B4GALNT2: variants seen among roughly 807,000 people sequenced by gnomAD.
B4GALNT2 encodes N-acetylneuraminylgalactosylglucosyl-glucoside beta-1,4-N- acetylgalactosaminyltransferase 2.
B4GALNT2 carries 42 observed loss-of-function variants against 51.1 expected under a neutral mutation model. That is an observed-to-expected ratio of 0.82 (90% confidence interval 0.64 to 1.06). The LOEUF (loss-of-function observed/expected upper bound fraction) is 1.06. Ranked by LOEUF, B4GALNT2 falls within the 50% of genes least tolerant of loss-of-function variation. B4GALNT2 has a pLI of 0.00. For synonymous variants in B4GALNT2, 253 were observed against 251.7 expected (o/e 1.01, Z -0.05); for missense variants, 602 against 633.6 (o/e 0.95, Z 0.54).
chr17:49,167,033 GA>G (rs1336028866), intron 9 of B4GALNT2, among the ~76,000 whole-genome samples: 1 of 152,164 alleles, frequency 6.6e-6, no homozygotes, highest in Non-Finnish European at 1.5e-5. Flanking sequence ...GGGCATGGAT[GA>G]GAAGGTAAGT....
intron 3 of B4GALNT2, among the ~76,000 whole-genome samples, chr17:49,147,682 A>AG (rs2042708357): frequency 6.6e-6 from 1 of 151,908 alleles, no homozygotes; most frequent in African/African-American, 2.4e-5. Flanking sequence ...GGCCAGAAAA[A>AG]GTCCATTTTA....
Position 49,159,266 on chromosome 17 carries a change from C to A in B4GALNT2, c.679+49C>A, listed in dbSNP as rs1422863146. On this transcript the variant is annotated intron_variant, in intron 6 of 10. Transcript: ENST00000393354. Reference sequence around the variant, plus strand: ...AAAATGCTTAGGGATCCAGAAGATACCTCTGGGCCCTTTCAAAGTCTTCCT... The same window carrying A: ...AAAATGCTTAGGGATCCAGAAGATAACTCTGGGCCCTTTCAAAGTCTTCCT... 2.6e-6 allele frequency: 4 copies of A among 1,553,110 alleles called. No homozygotes were observed. In the East Asian group the frequency reaches 6.8e-5, roughly 26 times the overall value.
the B4GALNT2 span, among the ~76,000 whole-genome samples, chr17:49,120,697 A>G: frequency 1.3e-5 from 2 of 151,908 alleles, no homozygotes. Context: ...TTTAGTAGAG[A>G]CAGGGTTTCT....
rs1282586649 is a variant in B4GALNT2, at chr17:49,142,039, T to C, written c.220T>C (p.Phe74Leu). Residue 74 changes from phenylalanine to leucine, a missense_variant, in exon 3 of 11, where the codon TTC (phenylalanine) becomes CTC (leucine). Coordinates refer to ENST00000393354, the MANE Select transcript of B4GALNT2 (RefSeq NM_001159387.2). ...NLFSYDGIWLFPKNQCKCEAN... is the reference protein window; with the variant it reads ...NLFSYDGIWLLPKNQCKCEAN... ...CAGTCCTCTTGCTTGTTTCAGGCTG[T>C]TCCCGAAAAATCAGTGCAAATGTGA... 5 of 1,613,974 alleles carry C rather than the reference T, an allele frequency of 3.1e-6. No individual in the cohort carries two copies. The East Asian group carries it at 8.9e-5, about 29-fold the overall frequency.
At chr17:49,159,886 A>G (rs749392889) in intron 6 of B4GALNT2, among the ~76,000 whole-genome samples, 11 of 152,110 alleles carry the variant, frequency 7.2e-5, no homozygotes, top group South Asian at 2.1e-4. Context: ...CCTGTGCCTC[A>G]GCATCTTGTC....
intron 5 of B4GALNT2, among the ~76,000 whole-genome samples, chr17:49,157,633 T>G (rs1441598982): frequency 6.6e-6 from 1 of 152,078 alleles, no homozygotes; most frequent in Non-Finnish European, 1.5e-5. Context: ...TTACTTATTT[T>G]TTATTTTTAG....
intron 3 of B4GALNT2, among the ~76,000 whole-genome samples, chr17:49,143,909 A>T (rs2042668694): frequency 6.6e-6 from 1 of 152,178 alleles, no homozygotes; most frequent in South Asian, 2.1e-4. Context: ...GCACTTTGGG[A>T]GGCCAAGACA....
intron 10 of B4GALNT2, 21 bp from the exon 11 acceptor site, chr17:49,169,502 C>T: frequency 6.2e-7 from 1 of 1,605,658 alleles, no homozygotes; most frequent in Middle Eastern, 2.2e-4. Context: ...CCACTTCCTT[C>T]TGCTCTCCCT....
At chr17:49,124,992 T>G in the B4GALNT2 span, among the ~76,000 whole-genome samples, 2 of 152,190 alleles carry the variant, frequency 1.3e-5, no homozygotes, top group South Asian at 4.1e-4. Context: ...CTAAAAACAA[T>G]TCTTTAACCT....
Position 49,164,177 on chromosome 17 carries a change from T to C in B4GALNT2, c.856T>C (p.Tyr286His). Residue 286 changes from tyrosine to histidine, a missense_variant, in exon 8 of 11, where the codon TAT (tyrosine) becomes CAT (histidine). Transcript: ENST00000393354. ...GATCATGCTCCGGAGTATTCGAGAGTATTACCCAGACTTGACCGTAATAGT... is the reference window on the plus strand; with the variant it reads ...GATCATGCTCCGGAGTATTCGAGAGCATTACCCAGACTTGACCGTAATAGT... ...LMIMLRSIREYYPDLTVIVAD... is the reference protein window; with the variant it reads ...LMIMLRSIREHYPDLTVIVAD... 1.2e-6 allele frequency: 2 copies of C among 1,613,830 alleles called. No homozygotes were observed. Among genetic ancestry groups the C allele is most frequent in the Non-Finnish European group, 1.7e-6 (2 of 1,179,774 alleles).
In B4GALNT2 at chr17:49,144,910, A is replaced by G. The variant is rs145669357; in HGVS notation, c.353+2738A>G. 2.8e-3 allele frequency among the ~76,000 whole-genome samples: 433 copies of G among 152,308 alleles called. 6 individuals are homozygous for G. The highest frequency in any genetic ancestry group is 9.8e-3 in the African/African-American group (408 of 41,572). ...CCAAAACTGAAGAAGCTGGAGTCCA[A>G]TGTTCGAGGGCAGGAAGCACCCAGC... On this transcript the variant is annotated intron_variant, in intron 3 of 10. Transcript: ENST00000393354.
At chr17:49,133,345 A>T (rs957743738) in intron 1 of B4GALNT2, 2 of 1,148,036 alleles carry the variant, frequency 1.7e-6, no homozygotes, top group African/African-American at 1.6e-5. Flanking sequence ...CGCCCACCGC[A>T]GGGCAGAGTG....
chr17:49,131,250 G>A (rs2144259171), upstream of B4GALNT2, among the ~76,000 whole-genome samples: 1 of 152,166 alleles, frequency 6.6e-6, no homozygotes, highest in African/African-American at 2.4e-5. Context: ...ACACTTTTCT[G>A]ATTGGTCTTG....
At chr17:49,152,630 C>G (rs754899019) in intron 3 of B4GALNT2, among the ~76,000 whole-genome samples, 170 bp from the exon 4 acceptor site, 1 of 152,134 alleles carries the variant, frequency 6.6e-6, no homozygotes, top group African/African-American at 2.4e-5. Flanking sequence ...GAGCCGAGAT[C>G]GCACTATTGC....
the B4GALNT2 span, among the ~76,000 whole-genome samples, chr17:49,126,496 T>TAAAAA: frequency 9.3e-5 from 11 of 118,784 alleles, 3 homozygotes; most frequent in East Asian, 2.8e-4. Context: ...GAATGATCAA[T>TAAAAA]AAAAAAAAAA....
chr17:49,176,457 T>A lies in B4GALNT2; in HGVS notation c.*6729T>A. 6.6e-6 allele frequency: 1 copy of A among 151,624 alleles called. No homozygotes were observed. The highest frequency in any genetic ancestry group is 2.4e-5 in the African/African-American group (1 of 40,872). The allele number at this position is 151,624 out of a possible 1,614,324, so 9.4% of individuals were successfully genotyped here. On this transcript the variant is annotated 3_prime_UTR_variant, in exon 11 of 11. Transcript: ENST00000393354. The stretch of plus-strand genomic sequence containing the variant: ...GATGGACTGAAACAAAGGGATGGGC[T>A]CTGGCTAGTTATCTGCCACGTCCTT...
At chr17:49,162,987 G>C (rs1021359352) in intron 7 of B4GALNT2, among the ~76,000 whole-genome samples, 1 of 142,934 alleles carries the variant, frequency 7.0e-6, no homozygotes, top group Non-Finnish European at 1.5e-5. Context: ...CTGTCCAAAC[G>C]ACTTCTGATT....
chr17:49,156,588 T>C lies in B4GALNT2; in HGVS notation c.483T>C (p.Asp161=). ...CAGGCCTCCAGTTTGAAGGACCCGA[T>C]GCCCCCGTCTATGAGGTGAGTCCTT... is the stretch of plus-strand genomic sequence containing the variant. The part of the protein sequence containing the change: ...PIPGLQFEGP[D]APVYEVTLTA... The change falls in exon 5 of 11, where the codon GAT becomes GAC. Residue 161 remains aspartate, a synonymous_variant. Transcript: ENST00000393354. 3 of 1,613,842 alleles carry C rather than the reference T, an allele frequency of 1.9e-6. No individual in the cohort carries two copies. The highest frequency in any genetic ancestry group is 2.5e-6 in the Non-Finnish European group (3 of 1,179,926).
rs779457495 is a variant in B4GALNT2 at position 49,164,179 on chromosome 17, T to C, written c.858T>C (p.Tyr286=). Residue 286 remains tyrosine, a synonymous_variant, in exon 8 of 11, where the codon TAT becomes TAC. Transcript: ENST00000393354. ...LMIMLRSIRE[Y]YPDLTVIVAD... is the part of the protein sequence containing the mutation. ...TCATGCTCCGGAGTATTCGAGAGTA[T>C]TACCCAGACTTGACCGTAATAGTGG... is the stretch of plus-strand genomic sequence containing the variant. The C allele has an allele frequency of 9.9e-6, 16 of 1,613,838 alleles. No individual in the cohort carries two copies. Among genetic ancestry groups the C allele is most frequent in the South Asian group, 9.9e-5 (9 of 91,082 alleles).
Sources: allele counts gnomAD v4.1 joint callset (sites outside exome capture counted in the v4.1 genomes callset), GRCh38; gene constraint gnomAD v4.1.1; transcripts MANE v1.5; gene names NCBI Gene and HGNC (gene_info 2026-07-23, HGNC 2026-07-21).